CAMTA2: variants seen among roughly 807,000 people sequenced by gnomAD.
CAMTA2 encodes calmodulin binding transcription activator 2.
CAMTA2 carries 56 observed loss-of-function variants against 135.7 expected under a neutral mutation model. The observed-to-expected ratio is 0.41, with a 90% CI of 0.33 to 0.52. The LOEUF is 0.52. Ranked by LOEUF, CAMTA2 falls within the 20% of genes least tolerant of loss-of-function variation. CAMTA2 has a pLI of 0.16. For missense variants in CAMTA2, 1,358 were observed against 1,553.4 expected, an observed-to-expected ratio of 0.87 and a Z score of 2.11; for synonymous variants, 591 against 604.6, an observed-to-expected ratio of 0.98 and a Z score of 0.33.
At position 4,978,602 on chromosome 17, in the gene CAMTA2, G is replaced by C; in HGVS notation, c.1667C>G (p.Pro556Arg). The C allele has an allele frequency of 1.2e-6, 2 of 1,614,068 alleles. No individual in the cohort carries two copies. The highest frequency in any genetic ancestry group is 1.7e-6 in the Non-Finnish European group (2 of 1,179,900). ...EGGVKVLITGPWTEAAEHYSC... is the reference protein window; with the variant it reads ...EGGVKVLITGRWTEAAEHYSC... ...GTAATGCTCGGCGGCTTCGGTCCAA[G>C]GACCTGTGATGAGCACCTTGACCCC... Residue 556 changes from proline to arginine, a missense_variant, in exon 10 of 23, where the codon CCT becomes CGT. By Grantham distance (103) the Pro-to-Arg change is moderately radical. Transcript: ENST00000348066.
At position 4,969,948 on chromosome 17, in the gene CAMTA2, A is replaced by G. The variant is rs1448707127; in HGVS notation, c.3143T>C (p.Leu1048Pro). 1 of 1,614,098 alleles carries G rather than the reference A, an allele frequency of 6.2e-7. No homozygotes were observed. The highest frequency in any genetic ancestry group is 8.5e-7 in the Non-Finnish European group (1 of 1,180,056). The part of the protein sequence containing the change: ...LTLSDHEQRE[L>P]YEAARVIQTA... ...CTGGATGACTCGGGCAGCCTCATAC[A>G]GTTCCCGCTGCTCGTGATCTGATAG... The change falls in exon 18 of 23, where the codon CTG (leucine) becomes CCG (proline). Residue 1048 changes from leucine (L) to proline (P), a missense_variant. Physicochemically the swap from Leu to Pro is moderately conservative, Grantham distance 98. Transcript: ENST00000348066. The surrounding 1 kb of genome is among the most constrained non-coding windows in gnomAD (Gnocchi z 5.6).
intron 11 of CAMTA2, among the ~76,000 whole-genome samples, chr17:4,975,507 A>G (rs1352773711): frequency 6.6e-6 from 1 of 152,242 alleles, no homozygotes; most frequent in African/African-American, 2.4e-5. Context: ...TAGATTAGAC[A>G]GGGACAGAGA....
Position 4,968,309 on chromosome 17 carries a change from G to A in CAMTA2, c.*447C>T. The A allele has an allele frequency of 3.7e-6, 1 of 271,900 alleles. No homozygotes were observed. Among genetic ancestry groups the A allele is most frequent in the Non-Finnish European group, 7.1e-6 (1 of 139,940 alleles). 16.8% of individuals were successfully genotyped at this position (271,900 alleles called of 1,614,324 possible). On this transcript the variant is annotated 3_prime_UTR_variant, in exon 23 of 23. Transcript: ENST00000348066. ...AGGGCCAGAGAGGGAGGAAACAGACGCAAACATGCGGAGTCGGGTGGGGAC... is the reference window on the plus strand; with the variant it reads ...AGGGCCAGAGAGGGAGGAAACAGACACAAACATGCGGAGTCGGGTGGGGAC...
intron 8 of CAMTA2, 58 bp downstream of exon 8, chr17:4,981,167 T>C: frequency 6.3e-7 from 1 of 1,583,234 alleles, no homozygotes; most frequent in South Asian, 1.1e-5. Flanking sequence ...CCCCCTGGCT[T>C]GCGTAAGAGC....
chr17:4,986,838 G>T, intron 1 of CAMTA2: 1 of 816,944 alleles, frequency 1.2e-6, no homozygotes, highest in Non-Finnish European at 2.0e-6. Flanking sequence ...TAGAATCTGG[G>T]CCAGACACCC....
intron 3 of CAMTA2, 111 bp downstream of exon 3, chr17:4,985,769 G>C: frequency 1.4e-6 from 1 of 739,962 alleles, no homozygotes; most frequent in East Asian, 2.5e-5. Context: ...AAAGAGCTTA[G>C]AATGGTGCTC....
intron 3 of CAMTA2, 113 bp from the exon 4 acceptor site, chr17:4,983,156 G>T: frequency 1.1e-6 from 1 of 892,786 alleles, no homozygotes; most frequent in East Asian, 2.5e-5. Flanking sequence ...AGCTAGTGGA[G>T]GATGCTTCTA....
Position 4,969,191 on chromosome 17 carries a change from G to C in CAMTA2, c.3429C>G (p.Gly1143=), listed in dbSNP as rs1284295916. The change falls in exon 21 of 23, where the codon GGC becomes GGG. Residue 1143 remains glycine (G), a synonymous_variant. Transcript: ENST00000348066. This position sits in a 1 kb window ranked among gnomAD's most constrained non-coding sequence, Gnocchi z 5.6. ...GGGTGGCCGAAGTCCGGTGGGGAGG[G>C]CCGGGCCTGCGGCGGTAGGAGCGGT... is the stretch of plus-strand genomic sequence containing the variant. The part of the protein sequence containing the change: ...QHYRSYRRRP[G]PPHRTSATLP... 1 of 1,611,154 alleles carries C rather than the reference G, an allele frequency of 6.2e-7. No homozygotes were observed. The highest frequency in any genetic ancestry group is 8.5e-7 in the Non-Finnish European group (1 of 1,179,680).
At chr17:4,973,485 CT>C in intron 13 of CAMTA2, 99 bp downstream of exon 13, 1 of 1,254,942 alleles carries the variant, frequency 8.0e-7, no homozygotes, top group Non-Finnish European at 1.1e-6. Flanking sequence ...ATGACCCCAA[CT>C]CCCTCTTGGT....
In CAMTA2 at chr17:4,978,626, C is replaced by G; in HGVS notation, c.1643G>C (p.Gly548Ala). The part of the protein sequence containing the change: ...FSPEWSYPEG[G>A]VKVLITGPWT... ...AGGACCTGTGATGAGCACCTTGACC[C>G]CACCCTGCAGACAGAAGTCAGAGAC... Residue 548 changes from glycine to alanine, a missense_variant, in exon 10 of 23, where the codon GGG becomes GCG. Coordinates refer to ENST00000348066, the MANE Select transcript of CAMTA2 (RefSeq NM_015099.4). 1 of 1,612,480 alleles carries G rather than the reference C, an allele frequency of 6.2e-7. No individual in the cohort carries two copies. The highest frequency in any genetic ancestry group is 1.3e-5 in the African/African-American group (1 of 74,962).
At chr17:4,987,177 G>C in intron 1 of CAMTA2, 4 of 1,346,948 alleles carry the variant, frequency 3.0e-6, no homozygotes, top group Non-Finnish European at 3.8e-6. Context: ...GGTGCGGAGC[G>C]GGAGCGGGTC....
At chr17:4,970,607 A>G in intron 16 of CAMTA2, 71 bp from the exon 17 acceptor site, 1 of 1,284,608 alleles carries the variant, frequency 7.8e-7, no homozygotes, top group South Asian at 1.2e-5. Context: ...GTCCATTCCT[A>G]TCTTGTTCCT....
rs1289147129 is a variant in CAMTA2 at position 4,969,433 on chromosome 17, G to C, written c.3282+67C>G. 5 of 1,608,258 alleles carry C rather than the reference G, an allele frequency of 3.1e-6. No homozygotes were observed. The highest frequency in any genetic ancestry group is 1.3e-5 in the African/African-American group (1 of 74,782). On this transcript the variant is annotated intron_variant, in intron 20 of 22. Coordinates refer to ENST00000348066, the MANE Select transcript of CAMTA2 (RefSeq NM_015099.4). This position sits in a 1 kb window ranked among gnomAD's most constrained non-coding sequence, Gnocchi z 5.6. ...AAGTTAGGCTGATGCAAGACTCTCT[G>C]TAACCCACACACTCAAGGAAAGACT...
chr17:4,970,136 C>CTG, intron 17 of CAMTA2, 51 bp from the exon 18 acceptor site: 1 of 1,566,340 alleles, frequency 6.4e-7, no homozygotes, highest in Non-Finnish European at 8.8e-7. Context: ...AGTCCCTCCT[C>CTG]TGCCACCTAT....
chr17:4,978,639 A>G lies in CAMTA2; in HGVS notation c.1639-9T>C. On this transcript the variant is annotated splice_polypyrimidine_tract_variant and intron_variant, in intron 9 of 22. Coordinates refer to ENST00000348066, the MANE Select transcript of CAMTA2 (RefSeq NM_015099.4). ...AGCACCTTGACCCCACCCTGCAGAC[A>G]GAAGTCAGAGACCATGTGACTGGAG... The G allele has an allele frequency of 1.9e-6, 3 of 1,611,706 alleles. No individual in the cohort carries two copies. The highest frequency in any genetic ancestry group is 1.3e-5 in the African/African-American group (1 of 75,026).
At chr17:4,983,335 T>G in intron 3 of CAMTA2, 1 of 319,306 alleles carries the variant, frequency 3.1e-6, no homozygotes, top group East Asian at 7.6e-5. Flanking sequence ...CAGGCTGGAG[T>G]GCAATGGCGC....
intron 3 of CAMTA2, 180 bp from the exon 4 acceptor site, chr17:4,983,223 G>C (rs1276427259): frequency 3.4e-6 from 2 of 590,504 alleles, no homozygotes; most frequent in African/African-American, 3.7e-5. Context: ...TTTGTCCTAA[G>C]ACAAAAGTCT....
At chr17:4,974,887 A>G (rs558552035) in intron 11 of CAMTA2, among the ~76,000 whole-genome samples, 132 of 152,230 alleles carry the variant, frequency 8.7e-4, no homozygotes, top group Non-Finnish European at 1.5e-3. Context: ...TTTGTCCCCC[A>G]TGGTGAAGGT....
chr17:4,974,300 G>A (rs1415622648), intron 12 of CAMTA2, 85 bp downstream of exon 12: 6 of 837,320 alleles, frequency 7.2e-6, no homozygotes, highest in African/African-American at 6.7e-5. Context: ...GGAGAGGGAG[G>A]AGAGTCATGG....
Sources: gnomAD v4.1 joint callset for allele counts (sites outside exome capture counted in the v4.1 genomes callset) on GRCh38, gnomAD v4.1.1 for gene constraint, Gnocchi (gnomAD v3.1) non-coding constraint, MANE v1.5 for transcripts, NCBI Gene and HGNC (gene_info 2026-07-23, HGNC 2026-07-21) for gene names.